The following DZANK1 variants were observed in gnomAD, a reference collection of about 807,000 sequenced individuals.
The protein encoded by DZANK1 is double zinc ribbon and ankyrin repeat-containing protein 1.
DZANK1 carries 91 observed loss-of-function variants against 94.5 expected under a neutral mutation model. The ratio of observed to expected loss-of-function variants is 0.96; its 90% CI spans 0.81 to 1.15. DZANK1 has a LOEUF of 1.15. Among genes scored for constraint, DZANK1 ranks in the 50% most tolerant of loss-of-function variants. DZANK1 has a pLI of 0.00. For missense variants in DZANK1, 903 were observed against 916.4 expected (o/e 0.99, Z 0.19); for synonymous variants, 312 against 325.3 (o/e 0.96, Z 0.44).
chr20:18,439,891 C>T (rs940670001), intron 8 of DZANK1, among the ~76,000 whole-genome samples: 54 of 152,034 alleles, frequency 3.6e-4, no homozygotes, highest in African/African-American at 1.3e-3. Flanking sequence ...CTAAACTGTG[C>T]CCCCCAGAAT....
At chr20:18,415,345 G>A (rs757627145) in exon 11 of DZANK1, 8 of 1,586,276 alleles carry the variant, frequency 5.0e-6, no homozygotes, top group East Asian at 4.6e-5. Context: ...CACACCAGCC[G>A]CAGAAGGACG....
intron 10 of DZANK1, among the ~76,000 whole-genome samples, chr20:18,418,042 T>C (rs1022976984): frequency 4.0e-5 from 6 of 151,850 alleles, no homozygotes; most frequent in African/African-American, 1.5e-4. Flanking sequence ...GCCAAGATCA[T>C]GCCACTGTAC....
At chr20:18,403,449 A>G (rs1600786890) in intron 13 of DZANK1, among the ~76,000 whole-genome samples, 1 of 152,156 alleles carries the variant, frequency 6.6e-6, no homozygotes, top group Non-Finnish European at 1.5e-5. Flanking sequence ...GTCAAAAAAC[A>G]GAGTTCAGAA....
intron 8 of DZANK1, among the ~76,000 whole-genome samples, chr20:18,440,748 C>T (rs1350933810): frequency 1.3e-5 from 2 of 152,188 alleles, no homozygotes; most frequent in African/African-American, 4.8e-5. Context: ...GACATAAGGG[C>T]AAACTACATC....
At chr20:18,455,877 A>G (rs2059269678) in intron 3 of DZANK1, among the ~76,000 whole-genome samples, 1 of 152,158 alleles carries the variant, frequency 6.6e-6, no homozygotes, top group South Asian at 2.1e-4. Flanking sequence ...GACTTCCTCC[A>G]TAGTACCTGA....
In DZANK1 at chr20:18,460,310, A is replaced by C; in HGVS notation, c.110-4T>G. On this transcript the variant is annotated splice_region_variant and splice_polypyrimidine_tract_variant and intron_variant, in intron 2 of 20. Transcript: ENST00000262547. ...TATATGTTGACATCTGGAGTGTCTG[A>C]AAAATCCAAAACAGGATAACTATAA... is the stretch of plus-strand genomic sequence containing the variant. The C allele has an allele frequency of 6.6e-7, 1 of 1,507,496 alleles. No individual in the cohort carries two copies. Among genetic ancestry groups the C allele is most frequent in the Non-Finnish European group, 9.0e-7 (1 of 1,113,532 alleles). The allele number at this position is 1,507,496 out of a possible 1,614,324, so 93.4% of individuals were successfully genotyped here.
intron 6 of DZANK1, 75 bp from the exon 7 acceptor site, chr20:18,449,144 A>G: frequency 8.1e-7 from 1 of 1,230,436 alleles, no homozygotes; most frequent in Non-Finnish European, 1.2e-6. Context: ...GGTATAGTAA[A>G]ATTCCATTAA....
At chr20:18,392,752 CAAG>C (rs2056086969) in intron 17 of DZANK1, among the ~76,000 whole-genome samples, 1 of 152,102 alleles carries the variant, frequency 6.6e-6, no homozygotes, top group African/African-American at 2.4e-5. Flanking sequence ...TGAGAAATTC[CAAG>C]AAGACTGAAA....
At chr20:18,399,929 G>C (rs1267794703) in intron 13 of DZANK1, among the ~76,000 whole-genome samples, 1 of 152,220 alleles carries the variant, frequency 6.6e-6, no homozygotes, top group Non-Finnish European at 1.5e-5. Flanking sequence ...AAAGCAATCA[G>C]AGGGATTTTC....
chr20:18,452,071 G>GTTT, intron 6 of DZANK1: 2 of 300,308 alleles, frequency 6.7e-6, no homozygotes, highest in Non-Finnish European at 1.3e-5. Flanking sequence ...TTTAGGGGTG[G>GTTT]TTTTTTTTTT....
chr20:18,415,822 T>C (rs1169437986), intron 10 of DZANK1, among the ~76,000 whole-genome samples: 1 of 152,236 alleles, frequency 6.6e-6, no homozygotes, highest in East Asian at 1.9e-4. Flanking sequence ...TTGAGGCTTA[T>C]CTTCTATCCT....
chr20:18,442,010 G>A (rs557582640), intron 8 of DZANK1, among the ~76,000 whole-genome samples: 5 of 152,316 alleles, frequency 3.3e-5, no homozygotes, highest in African/African-American at 7.2e-5. Flanking sequence ...TCTCTGAGTC[G>A]TGGGTCTAAG....
At chr20:18,393,194 A>G (rs1316187906) in intron 17 of DZANK1, among the ~76,000 whole-genome samples, 2 of 152,204 alleles carry the variant, frequency 1.3e-5, no homozygotes, top group African/African-American at 4.8e-5. Flanking sequence ...GAAACCCGTG[A>G]GAGCGCTTCA....
At chr20:18,395,256 G>A (rs1344079084) in intron 15 of DZANK1, among the ~76,000 whole-genome samples, 1 of 152,154 alleles carries the variant, frequency 6.6e-6, no homozygotes, top group African/African-American at 2.4e-5. Context: ...AGCTACACAG[G>A]CAGCTGAGGA....
intron 9 of DZANK1, among the ~76,000 whole-genome samples, chr20:18,429,666 CCTT>C (rs1246269617): frequency 3.9e-5 from 6 of 152,204 alleles, no homozygotes; most frequent in Non-Finnish European, 7.3e-5. Flanking sequence ...TCCCTGCCCT[CCTT>C]CTTCTGAGAT....
At chr20:18,393,302 G>A (rs1468739043) in intron 17 of DZANK1, among the ~76,000 whole-genome samples, 1 of 152,166 alleles carries the variant, frequency 6.6e-6, no homozygotes, top group Non-Finnish European at 1.5e-5. Flanking sequence ...TCCCTCCAGG[G>A]ACGTCTGTCC....
intron 8 of DZANK1, among the ~76,000 whole-genome samples, chr20:18,440,655 T>G (rs2058689684): frequency 6.6e-6 from 1 of 152,318 alleles, no homozygotes; most frequent in South Asian, 2.1e-4. Context: ...AACATCCCCT[T>G]TCAAGCCATC....
chr20:18,410,171 T>C (rs930934480), intron 13 of DZANK1, among the ~76,000 whole-genome samples: 1 of 152,134 alleles, frequency 6.6e-6, no homozygotes, highest in Non-Finnish European at 1.5e-5. Flanking sequence ...TAAATAATAG[T>C]TCTTTTTTTA....
At chr20:18,405,501 C>T (rs1313518770) in intron 13 of DZANK1, among the ~76,000 whole-genome samples, 1 of 151,926 alleles carries the variant, frequency 6.6e-6, no homozygotes, top group African/African-American at 2.4e-5. Context: ...CATGAGAATC[C>T]CAGAAGGAGA....
Sources: gnomAD v4.1 joint callset for allele counts (sites outside exome capture counted in the v4.1 genomes callset) on GRCh38, gnomAD v4.1.1 for gene constraint, MANE v1.5 for transcripts, NCBI Gene and HGNC (gene_info 2026-07-23, HGNC 2026-07-21) for gene names.